Variants in NMBR observed in about 807,000 individuals in gnomAD.
The protein encoded by NMBR is neuromedin B receptor, also known as neuromedin-B receptor.
A neutral mutation model predicts 20.5 loss-of-function variants in NMBR; 16 were observed. The observed-to-expected ratio is 0.78, with a 90% confidence interval of 0.53 to 1.19. The LOEUF (loss-of-function observed/expected upper bound fraction) is 1.19, where lower values mean the gene tolerates loss of function less well. Among genes scored for constraint, NMBR ranks in the 50% most tolerant of loss-of-function variants. The probability of loss-of-function intolerance (pLI) is 0.00; values close to 1 mark genes in which losing one functional copy is unlikely to be tolerated. For synonymous variants in NMBR, 212 were observed against 196.6 expected (o/e 1.08, Z -0.65); for missense variants, 582 against 499.1 (o/e 1.17, Z -1.58).
intron 1 of NMBR, among the ~76,000 whole-genome samples, chr6:142,107,929 T>C (rs977412109): frequency 6.6e-6 from 1 of 152,088 alleles, no homozygotes; most frequent in African/African-American, 2.4e-5. Flanking sequence ...AAAAGTACAG[T>C]ACTTGGAATG....
Position 142,078,656 on chromosome 6 carries a change from G to T in NMBR, c.670C>A (p.Pro224Thr), listed in dbSNP as rs958544410. The T allele has an allele frequency of 1.2e-6, 2 of 1,612,568 alleles. No individual in the cohort carries two copies. Among genetic ancestry groups the T allele is most frequent in the Admixed American group, 1.7e-5 (1 of 60,016 alleles). ...VLIFLVYFLI[P>T]LAIISIYYYH... is the part of the protein sequence containing the mutation. The stretch of plus-strand genomic sequence containing the variant: ...TAATAAATGCTAATAATAGCAAGTG[G>T]TATGAGGAAATAGACCAAGAAAATG... The change falls in exon 3 of 4, where the codon CCA (proline) becomes ACA (threonine). Residue 224 changes from proline to threonine, a missense_variant. Transcript: ENST00000258042.
chr6:142,078,500 A>C, intron 3 of NMBR, 55 bp downstream of exon 3: 1 of 975,014 alleles, frequency 1.0e-6, no homozygotes, highest in Non-Finnish European at 1.5e-6. Context: ...TAAAACAATA[A>C]ATAGCAGTTA....
At chr6:142,114,299 T>C (rs1777815680) in intron 1 of NMBR, among the ~76,000 whole-genome samples, 1 of 152,000 alleles carries the variant, frequency 6.6e-6, no homozygotes, top group South Asian at 2.1e-4. Context: ...CTCTATCACC[T>C]TTTTTTCTTT....
intron 1 of NMBR, among the ~76,000 whole-genome samples, chr6:142,137,251 G>A (rs998669585): frequency 6.6e-6 from 1 of 152,072 alleles, no homozygotes; most frequent in Non-Finnish European, 1.5e-5. Flanking sequence ...TATTCTCTTT[G>A]AAGCAATTGT....
intron 1 of NMBR, among the ~76,000 whole-genome samples, chr6:142,094,233 T>G (rs563940631): frequency 6.6e-6 from 1 of 152,278 alleles, no homozygotes; most frequent in East Asian, 1.9e-4. Flanking sequence ...CCCATGCCTA[T>G]GTCCTGAATG....
At position 142,088,584 on chromosome 6, in the gene NMBR, C is replaced by A; in HGVS notation, c.75G>T (p.Trp25Cys). 4 of 1,613,258 alleles carry A rather than the reference C, an allele frequency of 2.5e-6. No homozygotes were observed. Among genetic ancestry groups the A allele is most frequent in the Non-Finnish European group, 3.4e-6 (4 of 1,179,990 alleles). ...CCGAGGCCGGCAGGAAATCCCTTTC[C>A]CACCCCTCGGGAACGGAACCGCTCT... is the stretch of plus-strand genomic sequence containing the variant. ...ANESGSVPEG[W>C]ERDFLPASDG... The change falls in exon 2 of 4, where the codon TGG becomes TGT. Residue 25 changes from tryptophan to cysteine, a missense_variant. By Grantham distance (215) the Trp-to-Cys change is radical. Coordinates refer to ENST00000258042, the MANE Select transcript of NMBR (RefSeq NM_002511.4).
chr6:142,108,114 C>T (rs1028004228), intron 1 of NMBR, among the ~76,000 whole-genome samples: 3 of 151,982 alleles, frequency 2.0e-5, no homozygotes, highest in African/African-American at 7.2e-5. Flanking sequence ...CCAAAATATG[C>T]ATAATGAAAG....
At position 142,102,582 on chromosome 6, in the gene NMBR, G is replaced by A. The variant is rs373609510; in HGVS notation, c.-663-13261C>T. Among the ~76,000 whole-genome samples the A allele has an allele frequency of 3.9e-5, 6 of 152,096 alleles. No individual in the cohort carries two copies. The East Asian group carries it at 5.8e-4, about 15-fold the overall frequency. On this transcript the variant is annotated intron_variant, in intron 1 of 3. Coordinates refer to ENST00000258042, the MANE Select transcript of NMBR (RefSeq NM_002511.4). ...ATTATGTAGTATAACTTTCACAAGA[G>A]AATTTAAAGTCTGTTGTGCAACCAT...
At chr6:142,092,137 A>G (rs945259420) in intron 1 of NMBR, among the ~76,000 whole-genome samples, 19 of 152,312 alleles carry the variant, frequency 1.2e-4, no homozygotes, top group Middle Eastern at 3.4e-3. Context: ...TGCAACAGAA[A>G]TGGAAATGAA....
Position 142,082,737 on chromosome 6 carries a change from C to G in NMBR, c.423-3834G>C, listed in dbSNP as rs76767619. ...CAACAGAATGGATAGTATCCAGAAT[C>G]CAGCAGAAATTCAGCATTTGAAGAA... On this transcript the variant is annotated intron_variant, in intron 2 of 3. Coordinates refer to ENST00000258042, the MANE Select transcript of NMBR (RefSeq NM_002511.4). Among the ~76,000 whole-genome samples the G allele has an allele frequency of 1.9e-4, 29 of 152,262 alleles. No homozygotes were observed. The East Asian group carries it at 5.2e-3, about 27-fold the overall frequency.
chr6:142,127,938 G>C (rs1778066743), intron 1 of NMBR, among the ~76,000 whole-genome samples: 1 of 151,976 alleles, frequency 6.6e-6, no homozygotes, highest in South Asian at 2.1e-4. Context: ...TCTGCAAACA[G>C]AGATAATTTT....
At chr6:142,078,070 C>CTAT (rs1776987087) in intron 3 of NMBR, among the ~76,000 whole-genome samples, 1 of 152,158 alleles carries the variant, frequency 6.6e-6, no homozygotes, top group Non-Finnish European at 1.5e-5. Context: ...GCTGCTCTTG[C>CTAT]TATTCCCCTC....
At chr6:142,140,773 T>A (rs2114614985) in intron 1 of NMBR, among the ~76,000 whole-genome samples, 1 of 152,194 alleles carries the variant, frequency 6.6e-6, no homozygotes, top group East Asian at 1.9e-4. Flanking sequence ...ATCAGAGAGC[T>A]CAATTGGCTA....
rs187709850 is a variant in NMBR, at chr6:142,080,937, T to C, written c.423-2034A>G. ...TCTCTACCTCATATCTAAGCACATA[T>C]ACTATTGTAGAAGTACTGTTGTAGT... On this transcript the variant is annotated intron_variant, in intron 2 of 3. Coordinates refer to ENST00000258042, the MANE Select transcript of NMBR (RefSeq NM_002511.4). Among the ~76,000 whole-genome samples, 426 of 152,324 alleles carry C rather than the reference T, an allele frequency of 2.8e-3. 2 individuals carry two copies. Among genetic ancestry groups the C allele is most frequent in the Admixed American group, 8.1e-3 (124 of 15,296 alleles).
chr6:142,141,420 G>C (rs1778359226), intron 1 of NMBR, among the ~76,000 whole-genome samples: 1 of 152,046 alleles, frequency 6.6e-6, no homozygotes, highest in South Asian at 2.1e-4. Context: ...ACAGTGTTTG[G>C]TGGAATATTA....
intron 1 of NMBR, among the ~76,000 whole-genome samples, chr6:142,126,084 A>G (rs1056711857): frequency 2.0e-5 from 3 of 151,344 alleles, no homozygotes; most frequent in African/African-American, 7.3e-5. Flanking sequence ...TCACCATTCT[A>G]CTCTCTGCTT....
chr6:142,078,734 A>G lies in NMBR; in HGVS notation c.592T>C (p.Cys198Arg), dbSNP rs1301909004. Residue 198 changes from cysteine to arginine, a missense_variant, in exon 3 of 4, where the codon TGT (cysteine) becomes CGT (arginine). Coordinates refer to ENST00000258042, the MANE Select transcript of NMBR (RefSeq NM_002511.4). Reference protein sequence around the residue: ...SSLDNSSFTACIPYPQTDELH... With the variant: ...SSLDNSSFTARIPYPQTDELH... ...TCATCTGTTTGAGGGTATGGGATAC[A>G]TGCTGTGAAGCTGCTATTATCCAAG... is the stretch of plus-strand genomic sequence containing the variant. The G allele has an allele frequency of 2.5e-6, 4 of 1,613,982 alleles. No homozygotes were observed. The African/African-American group carries it at 4.0e-5, about 16-fold the overall frequency.
rs78432908 is a variant in NMBR at position 142,108,946 on chromosome 6, G to A, written c.-663-19625C>T. The stretch of plus-strand genomic sequence containing the variant: ...ACTTCCTAGATACAATGAGAGTACC[G>A]GCATTGGATAAACACACTCACTGCA... On this transcript the variant is annotated intron_variant, in intron 1 of 3. Coordinates refer to ENST00000258042, the MANE Select transcript of NMBR (RefSeq NM_002511.4). 4.3e-3 allele frequency among the ~76,000 whole-genome samples: 647 copies of A among 152,198 alleles called. 3 individuals are homozygous for A. The highest frequency in any genetic ancestry group is 0.015 in the African/African-American group (626 of 41,532).
intron 1 of NMBR, among the ~76,000 whole-genome samples, chr6:142,144,765 A>C (rs1326944796): frequency 6.6e-6 from 1 of 152,192 alleles, no homozygotes; most frequent in Non-Finnish European, 1.5e-5. Context: ...GCATATTTAG[A>C]AAGAAGAGAG....
Sources: allele counts gnomAD v4.1 joint callset (sites outside exome capture counted in the v4.1 genomes callset), GRCh38; gene constraint gnomAD v4.1.1; transcripts MANE v1.5; gene names NCBI Gene and HGNC (gene_info 2026-07-23, HGNC 2026-07-21).